The following PCDHGA5 variants were observed in gnomAD, a reference collection of about 807,000 sequenced individuals.
The protein encoded by PCDHGA5 is protocadherin gamma subfamily A, 5.
PCDHGA5 carries 36 observed loss-of-function variants against 56.7 expected under a neutral mutation model. The ratio of observed to expected loss-of-function variants is 0.64; its 90% CI spans 0.49 to 0.84. The LOEUF (loss-of-function observed/expected upper bound fraction) is 0.84. Among genes scored for constraint, PCDHGA5 ranks in the 40% least tolerant of loss-of-function variants. The probability of loss-of-function intolerance (pLI) is 0.00; values close to 1 mark genes in which losing one functional copy is unlikely to be tolerated. For synonymous variants in PCDHGA5, 563 were observed against 520.2 expected (o/e 1.08, Z -1.12); for missense variants, 1,305 against 1,201.5 (o/e 1.09, Z -1.27).
At chr5:141,414,395 G>GAAAAGTCC (rs1226242642) in intron 1 of PCDHGA5, 1 of 1,613,924 alleles carries the variant, frequency 6.2e-7, no homozygotes, top group South Asian at 1.1e-5. Context: ...AGTTATTACA[G>GAAAAGTCC]ATTGGTGATA....
At position 141,365,004 on chromosome 5, in the gene PCDHGA5, C is replaced by A. The variant is rs746525916; in HGVS notation, c.674C>A (p.Thr225Asn). ...GGCGGAGACCCGGTACTCTCCGGCA[C>A]CACGCACATCCGTGTTACGGTCCTC... is the stretch of plus-strand genomic sequence containing the variant. Reference protein sequence around the residue: ...LDGGDPVLSGTTHIRVTVLDA... With the variant: ...LDGGDPVLSGNTHIRVTVLDA... The change falls in exon 1 of 4, where the codon ACC becomes AAC. Residue 225 changes from threonine to asparagine, a missense_variant. Coordinates refer to ENST00000518069, the MANE Select transcript of PCDHGA5 (RefSeq NM_018918.3). The A allele has an allele frequency of 6.2e-7, 1 of 1,613,818 alleles. No individual in the cohort carries two copies. The highest frequency in any genetic ancestry group is 1.3e-5 in the African/African-American group (1 of 74,936).
Position 141,398,900 on chromosome 5 carries a change from G to A in PCDHGA5, c.2421+32149G>A, listed in dbSNP as rs765284630. Reference sequence around the variant, plus strand: ...AGCCTTCGGGAAAACGTGCCACCAGGCACCACTGTGTTGCAAGTGTCAGCC... The same window carrying A: ...AGCCTTCGGGAAAACGTGCCACCAGACACCACTGTGTTGCAAGTGTCAGCC... On this transcript the variant is annotated intron_variant, in intron 1 of 3. Coordinates refer to ENST00000518069, the MANE Select transcript of PCDHGA5 (RefSeq NM_018918.3). The A allele has an allele frequency of 3.1e-6, 5 of 1,613,846 alleles. No individual in the cohort carries two copies. In the East Asian group the frequency reaches 6.7e-5, roughly 22 times the overall value.
At position 141,374,819 on chromosome 5, in the gene PCDHGA5, G is replaced by A. The variant is rs1489932950; in HGVS notation, c.2421+8068G>A. On this transcript the variant is annotated intron_variant, in intron 1 of 3. Transcript: ENST00000518069. ...CAACACTCCAATGTTTACTCAGCCT[G>A]TCTACCGTGTAAGTGTTCCTGAAAA... 2 of 1,613,812 alleles carry A rather than the reference G, an allele frequency of 1.2e-6. 1 individual carries two copies. Among genetic ancestry groups the A allele is most frequent in the East Asian group, 4.5e-5 (2 of 44,894 alleles).
At chr5:141,394,875 A>G in intron 1 of PCDHGA5, 3 of 1,613,722 alleles carry the variant, frequency 1.9e-6, no homozygotes, top group Non-Finnish European at 8.5e-7. Flanking sequence ...GAACGATTCG[A>G]GCCTTACACT....
chr5:141,421,050 T>TACCACACAA, intron 1 of PCDHGA5: 1 of 561,278 alleles, frequency 1.8e-6, no homozygotes, highest in Non-Finnish European at 3.1e-6. Flanking sequence ...CCCCCGCCTC[T>TACCACACAA]ACCACACAAA....
At chr5:141,383,069 G>C (rs370612007) in intron 1 of PCDHGA5, 5 of 1,613,768 alleles carry the variant, frequency 3.1e-6, no homozygotes, top group Non-Finnish European at 3.4e-6. Flanking sequence ...CTGGAGCCCC[G>C]GGAGCTGGCG....
chr5:141,457,899 C>CA (rs2098931976), intron 1 of PCDHGA5, among the ~76,000 whole-genome samples: 1 of 148,818 alleles, frequency 6.7e-6, no homozygotes, highest in Admixed American at 6.7e-5. Context: ...ACTGTGTAGA[C>CA]AAGGTGTGAG....
chr5:141,428,173 C>G, intron 1 of PCDHGA5: 1 of 1,514,730 alleles, frequency 6.6e-7, no homozygotes. Context: ...CTGTGCGTGA[C>G]GGAGGACAGC....
chr5:141,500,271 C>T (rs936454651), intron 2 of PCDHGA5, among the ~76,000 whole-genome samples: 3 of 151,598 alleles, frequency 2.0e-5, no homozygotes, highest in African/African-American at 7.3e-5. Flanking sequence ...TGCAGTGGCG[C>T]AATCTCGGCT....
chr5:141,454,644 G>T (rs183290309), intron 1 of PCDHGA5, among the ~76,000 whole-genome samples: 2 of 151,892 alleles, frequency 1.3e-5, no homozygotes, highest in South Asian at 2.1e-4. Flanking sequence ...AACCTCAGGT[G>T]ATCTGCCCAC....
At chr5:141,392,987 G>T in intron 1 of PCDHGA5, 1 of 1,613,930 alleles carries the variant, frequency 6.2e-7, no homozygotes. Context: ...ACCCCCGGAA[G>T]CTGGCGAAGC....
chr5:141,400,314 C>G (rs764415393), intron 1 of PCDHGA5: 1 of 1,614,078 alleles, frequency 6.2e-7, no homozygotes, highest in Non-Finnish European at 8.5e-7. Flanking sequence ...GTCTCTGTGT[C>G]AAGTCTGGAC....
chr5:141,384,216 C>T (rs1342379342), intron 1 of PCDHGA5: 1 of 1,613,896 alleles, frequency 6.2e-7, no homozygotes, highest in Non-Finnish European at 8.5e-7. Context: ...CTCACATATT[C>T]ATGCAGGTGG....
At position 141,393,662 on chromosome 5, in the gene PCDHGA5, A is replaced by T. The variant is rs1442061423; in HGVS notation, c.2421+26911A>T. The T allele has an allele frequency of 8.7e-6, 14 of 1,613,816 alleles. No individual in the cohort carries two copies. In the Admixed American group the frequency reaches 2.3e-4, roughly 27 times the overall value. On this transcript the variant is annotated intron_variant, in intron 1 of 3. Transcript: ENST00000518069. ...GAAAAGTGGCATACAAATTCCGGAAAATTAATGAAAAACAAACTCCGTTAT... is the reference window on the plus strand; with the variant it reads ...GAAAAGTGGCATACAAATTCCGGAATATTAATGAAAAACAAACTCCGTTAT...
At chr5:141,414,514 G>A in intron 1 of PCDHGA5, 1 of 1,613,964 alleles carries the variant, frequency 6.2e-7, no homozygotes, top group Non-Finnish European at 8.5e-7. Context: ...GCTACAAGTG[G>A]CAGATATCAA....
intron 1 of PCDHGA5, chr5:141,410,318 G>A: frequency 6.2e-7 from 1 of 1,613,982 alleles, no homozygotes; most frequent in Non-Finnish European, 8.5e-7. Flanking sequence ...CTTCCTCCTC[G>A]CCGTGATTCT....
chr5:141,414,986 A>G, intron 1 of PCDHGA5: 4 of 1,613,824 alleles, frequency 2.5e-6, no homozygotes, highest in Non-Finnish European at 3.4e-6. Context: ...GACTCCGGCC[A>G]GAACGCCTGG....
chr5:141,419,748 G>T, intron 1 of PCDHGA5: 1 of 1,613,872 alleles, frequency 6.2e-7, no homozygotes, highest in Non-Finnish European at 8.5e-7. Flanking sequence ...CGCATGGTGC[G>T]TGCTTTGGGT....
Position 141,431,910 on chromosome 5 carries a change from G to A in PCDHGA5, c.2422-62897G>A. The A allele has an allele frequency of 6.2e-7, 1 of 1,614,096 alleles. No individual in the cohort carries two copies. Among genetic ancestry groups the A allele is most frequent in the Non-Finnish European group, 8.5e-7 (1 of 1,179,934 alleles). On this transcript the variant is annotated intron_variant, in intron 1 of 3. Transcript: ENST00000518069. This position sits in a 1 kb window ranked among gnomAD's most constrained non-coding sequence, Gnocchi z 4.8. ...TCTGAGGAAAACGGACAGGTGATCTGTTTCATCCAAGGAAATCTGCCCTTT... is the reference window on the plus strand; with the variant it reads ...TCTGAGGAAAACGGACAGGTGATCTATTTCATCCAAGGAAATCTGCCCTTT...
Sources: allele counts gnomAD v4.1 joint callset (sites outside exome capture counted in the v4.1 genomes callset), GRCh38; gene constraint gnomAD v4.1.1; non-coding constraint Gnocchi (gnomAD v3.1); transcripts MANE v1.5; gene names NCBI Gene and HGNC (gene_info 2026-07-23, HGNC 2026-07-21).